AGBL1: variants seen among roughly 807,000 people sequenced by gnomAD.
The protein encoded by AGBL1 is cytosolic carboxypeptidase 4.
In AGBL1, 130 loss-of-function variants were observed where a neutral mutation model predicts 118.9. The observed-to-expected ratio is 1.09, with a 90% CI of 0.95 to 1.26. The LOEUF is 1.26. Among genes scored for constraint, AGBL1 ranks in the 50% most tolerant of loss-of-function variants. The pLI is 0.00. For synonymous variants in AGBL1, 555 were observed against 478.9 expected, an observed-to-expected ratio of 1.16 and a Z score of -2.08; for missense variants, 1,584 against 1,298.1, an observed-to-expected ratio of 1.22 and a Z score of -3.38.
downstream of AGBL1, among the ~76,000 whole-genome samples, chr15:87,030,732 C>A (rs1416675737): frequency 6.6e-6 from 1 of 151,930 alleles, no homozygotes; most frequent in African/African-American, 2.4e-5. Context: ...GCACATTTAC[C>A]AATTTACTAC....
chr15:86,825,918 TAGATAGATAGATAGATA>T (rs1367340996), intron 22 of AGBL1, among the ~76,000 whole-genome samples: 17 of 115,084 alleles, frequency 1.5e-4, no homozygotes, highest in Non-Finnish European at 2.8e-4. Flanking sequence ...GATAGATAGA[TAGATAGATAGATAGATA>T]GACAGATGAG....
At chr15:86,660,145 A>G (rs1004371919) in intron 21 of AGBL1, among the ~76,000 whole-genome samples, 1 of 151,824 alleles carries the variant, frequency 6.6e-6, no homozygotes, top group African/African-American at 2.4e-5. Flanking sequence ...GGTTTCCTGC[A>G]GAAAATGTCA....
At chr15:86,951,620 G>T (rs1035574152) in intron 23 of AGBL1, among the ~76,000 whole-genome samples, 1 of 152,156 alleles carries the variant, frequency 6.6e-6, no homozygotes, top group Non-Finnish European at 1.5e-5. Flanking sequence ...GGGATTAGAA[G>T]TCAGGAGAGT....
At chr15:86,589,194 G>A (rs571611785) in intron 21 of AGBL1, among the ~76,000 whole-genome samples, 1 of 152,220 alleles carries the variant, frequency 6.6e-6, no homozygotes, top group East Asian at 1.9e-4. Context: ...GCATCAGAAA[G>A]TGATCAACTC....
chr15:86,314,177 G>T (rs1567194346), intron 17 of AGBL1, among the ~76,000 whole-genome samples: 1 of 152,216 alleles, frequency 6.6e-6, no homozygotes, highest in African/African-American at 2.4e-5. Context: ...GACCTCTCCT[G>T]GGTATAGGTG....
At chr15:86,118,707 T>A (rs1897915522) in intron 1 of AGBL1, among the ~76,000 whole-genome samples, 1 of 152,126 alleles carries the variant, frequency 6.6e-6, no homozygotes, top group Non-Finnish European at 1.5e-5. Flanking sequence ...TCTCTTGGAT[T>A]CTGTTTATAA....
At chr15:86,579,625 A>T (rs1398364839) in intron 21 of AGBL1, among the ~76,000 whole-genome samples, 1 of 152,124 alleles carries the variant, frequency 6.6e-6, no homozygotes, top group Admixed American at 6.6e-5. Flanking sequence ...TCCTAAGGGG[A>T]TGGAGTTTAT....
At chr15:86,153,103 T>C (rs2077137687) in intron 3 of AGBL1, among the ~76,000 whole-genome samples, 2 of 152,166 alleles carry the variant, frequency 1.3e-5, no homozygotes, top group African/African-American at 4.8e-5. Flanking sequence ...GACAGTGTGG[T>C]GACTCCTCAA....
chr15:86,795,516 A>T (rs2078556798), intron 22 of AGBL1, among the ~76,000 whole-genome samples: 1 of 151,686 alleles, frequency 6.6e-6, no homozygotes, highest in East Asian at 2.0e-4. Context: ...TCTCCTATCT[A>T]AGTGACACTG....
At chr15:86,491,867 G>A (rs2082784042) in intron 18 of AGBL1, among the ~76,000 whole-genome samples, 1 of 151,844 alleles carries the variant, frequency 6.6e-6, no homozygotes, top group Admixed American at 6.6e-5. Context: ...TGTGGGGGGT[G>A]GGGGGCGTGG....
chr15:86,583,796 CA>C (rs2084208064), intron 21 of AGBL1, among the ~76,000 whole-genome samples: 2 of 152,162 alleles, frequency 1.3e-5, no homozygotes, highest in Non-Finnish European at 2.9e-5. Context: ...AACTAATTTA[CA>C]TTCCCACCAA....
intron 18 of AGBL1, among the ~76,000 whole-genome samples, chr15:86,429,109 G>A (rs776210127): frequency 3.9e-5 from 6 of 152,162 alleles, no homozygotes; most frequent in Non-Finnish European, 8.8e-5. Flanking sequence ...ATTCCAAAGG[G>A]CACCAATTCC....
chr15:86,825,227 A>G (rs187800017), intron 22 of AGBL1, among the ~76,000 whole-genome samples: 1 of 152,036 alleles, frequency 6.6e-6, no homozygotes. Context: ...ACCTTGACCT[A>G]CAACTCACAC....
chr15:86,925,720 C>CTTTTTT (rs375125663), intron 23 of AGBL1, among the ~76,000 whole-genome samples: 120 of 131,978 alleles, frequency 9.1e-4, no homozygotes, highest in Middle Eastern at 4.2e-3. Flanking sequence ...TTTTTCTTTT[C>CTTTTTT]TTTTTTTTTT....
intron 18 of AGBL1, among the ~76,000 whole-genome samples, chr15:86,420,863 T>A (rs138594836): frequency 0.01 from 1,521 of 151,810 alleles, 33 homozygotes; most frequent in African/African-American, 0.033. Context: ...GATATCAGAG[T>A]TTGAAGATCA....
intron 17 of AGBL1, among the ~76,000 whole-genome samples, chr15:86,330,246 G>T (rs776090670): frequency 2.0e-5 from 3 of 152,198 alleles, no homozygotes; most frequent in Non-Finnish European, 2.9e-5. Context: ...ATACCCAGCT[G>T]CATTGGCCAC....
At chr15:86,921,673 T>C (rs1371473170) in intron 23 of AGBL1, among the ~76,000 whole-genome samples, 3 of 152,154 alleles carry the variant, frequency 2.0e-5, no homozygotes, top group African/African-American at 4.8e-5. Context: ...TGGAGTTGCC[T>C]AGTGGGACAG....
chr15:86,316,430 C>A (rs376573187), intron 17 of AGBL1, among the ~76,000 whole-genome samples: 5 of 152,274 alleles, frequency 3.3e-5, no homozygotes, highest in African/African-American at 1.2e-4. Context: ...AGCCATCAAA[C>A]GCAGGAGTGA....
chr15:86,299,587 G>C (rs1226718658), intron 17 of AGBL1: 1 of 152,116 alleles, frequency 6.6e-6, no homozygotes, highest in African/African-American at 2.4e-5. Context: ...TTTGGGAATA[G>C]GCTTGGTAGG....
Sources: allele counts gnomAD v4.1 joint callset (sites outside exome capture counted in the v4.1 genomes callset), GRCh38; gene constraint gnomAD v4.1.1; transcripts MANE v1.5; gene names NCBI Gene and HGNC (gene_info 2026-07-23, HGNC 2026-07-21).